Variants in FBXO28 observed in about 807,000 individuals in gnomAD.
FBXO28 encodes F-box protein 28.
Under a neutral mutation model 38.1 loss-of-function variants are expected in FBXO28, and 8 were observed. That is an observed-to-expected ratio of 0.21 (90% CI 0.12 to 0.38). The LOEUF (loss-of-function observed/expected upper bound fraction) is 0.38, where lower values mean the gene tolerates loss of function less well. FBXO28 is among the 10% of genes least tolerant of loss of function. FBXO28 has a pLI of 1.00. For missense variants in FBXO28, 345 were observed against 460.6 expected (o/e 0.75, Z 2.30); for synonymous variants, 168 against 173.8 (o/e 0.97, Z 0.26).
At position 224,140,495 on chromosome 1, in the gene FBXO28, G is replaced by A. The variant is rs550906551; in HGVS notation, c.516+6283G>A. Among the ~76,000 whole-genome samples, 5 of 152,192 alleles carry A rather than the reference G, an allele frequency of 3.3e-5. No homozygotes were observed. In the South Asian group the frequency reaches 1.0e-3, roughly 32 times the overall value. Reference sequence around the variant, plus strand: ...CATTTAAGTTTAATGCTTACAGAATGTTGTTTTTGTTTCTTTTAAAGTTGA... The same window carrying A: ...CATTTAAGTTTAATGCTTACAGAATATTGTTTTTGTTTCTTTTAAAGTTGA... On this transcript the variant is annotated intron_variant, in intron 3 of 4. Coordinates refer to ENST00000366862, the MANE Select transcript of FBXO28 (RefSeq NM_015176.4).
intron 3 of FBXO28, among the ~76,000 whole-genome samples, chr1:224,146,211 G>A (rs1657499844): frequency 6.6e-6 from 1 of 151,800 alleles, no homozygotes; most frequent in Non-Finnish European, 1.5e-5. Context: ...TCCAGCCTGG[G>A]CGATAGAGTG....
At chr1:224,129,213 G>A (rs1251609077) in intron 1 of FBXO28, among the ~76,000 whole-genome samples, 1 of 151,990 alleles carries the variant, frequency 6.6e-6, no homozygotes, top group Non-Finnish European at 1.5e-5. Context: ...GGTGGCACAT[G>A]CCTGTAATCC....
intron 1 of FBXO28, among the ~76,000 whole-genome samples, chr1:224,129,043 A>G (rs1195758862): frequency 2.0e-5 from 3 of 151,960 alleles, no homozygotes; most frequent in African/African-American, 7.2e-5. Flanking sequence ...TCTACTACAC[A>G]TGCTAAGATA....
chr1:224,135,611 CAAAAAAAA>C (rs71168313), intron 3 of FBXO28, among the ~76,000 whole-genome samples: 5,936 of 110,594 alleles, frequency 0.054, 478 homozygotes, highest in African/African-American at 0.21. Context: ...GACTCTGTCT[CAAAAAAAA>C]AAAAAAAAAA....
At chr1:224,117,442 T>A in intron 1 of FBXO28, among the ~76,000 whole-genome samples, 1 of 140,910 alleles carries the variant, frequency 7.1e-6, no homozygotes, top group East Asian at 1.9e-4. Context: ...TTTATTTTAT[T>A]TTATTTTATT....
intron 1 of FBXO28, among the ~76,000 whole-genome samples, chr1:224,126,192 C>T (rs1403362624): frequency 2.1e-5 from 2 of 94,792 alleles, no homozygotes; most frequent in Non-Finnish European, 4.2e-5. Flanking sequence ...TTCTTATTCT[C>T]ATCACCCAGC....
chr1:224,125,037 T>C (rs1558187803), intron 1 of FBXO28, among the ~76,000 whole-genome samples: 2 of 152,212 alleles, frequency 1.3e-5, no homozygotes, highest in Non-Finnish European at 2.9e-5. Flanking sequence ...TCTTGAACAT[T>C]TGAACATACA....
chr1:224,136,854 C>T (rs1324124675), intron 3 of FBXO28, among the ~76,000 whole-genome samples: 1 of 151,436 alleles, frequency 6.6e-6, no homozygotes, highest in African/African-American at 2.4e-5. Context: ...CAGGTTTAGG[C>T]GATTCTCATG....
At chr1:224,139,969 T>A (rs1463306019) in intron 3 of FBXO28, among the ~76,000 whole-genome samples, 1 of 152,112 alleles carries the variant, frequency 6.6e-6, no homozygotes, top group Non-Finnish European at 1.5e-5. Context: ...CATGCACCTG[T>A]AGCCCCAGCT....
At chr1:224,145,605 C>T (rs193187510) in intron 3 of FBXO28, among the ~76,000 whole-genome samples, 14 of 152,148 alleles carry the variant, frequency 9.2e-5, no homozygotes, top group Admixed American at 2.0e-4. Flanking sequence ...AGCACATAAC[C>T]GTATTCAAAC....
intron 4 of FBXO28, among the ~76,000 whole-genome samples, chr1:224,154,994 C>A (rs1370306581): frequency 6.8e-6 from 1 of 147,736 alleles, no homozygotes; most frequent in African/African-American, 2.5e-5. Flanking sequence ...AAAAAAAAAT[C>A]ATTAAGTTAA....
At chr1:224,123,089 A>AG (rs1553288278) in intron 1 of FBXO28, among the ~76,000 whole-genome samples, 1 of 151,718 alleles carries the variant, frequency 6.6e-6, no homozygotes, top group African/African-American at 2.4e-5. Flanking sequence ...TTAAAAAAAA[A>AG]GGATAGGTTC....
intron 1 of FBXO28, among the ~76,000 whole-genome samples, chr1:224,126,648 C>T (rs1266014501): frequency 6.6e-6 from 1 of 152,050 alleles, no homozygotes; most frequent in Non-Finnish European, 1.5e-5. Context: ...AGCCCCATCT[C>T]TATTACGAAA....
At chr1:224,116,457 A>G (rs551528263) in intron 1 of FBXO28, among the ~76,000 whole-genome samples, 2 of 152,324 alleles carry the variant, frequency 1.3e-5, no homozygotes, top group Admixed American at 6.5e-5. Context: ...ACTTTAGTGT[A>G]TGCTGCTATC....
intron 3 of FBXO28, among the ~76,000 whole-genome samples, chr1:224,141,255 G>A (rs907178414): frequency 9.2e-5 from 14 of 151,888 alleles, no homozygotes; most frequent in African/African-American, 1.5e-4. Flanking sequence ...GGCGGATCAC[G>A]AGGTCAGGAG....
intron 2 of FBXO28, chr1:224,130,784 T>G: frequency 2.2e-6 from 1 of 452,644 alleles, no homozygotes; most frequent in South Asian, 3.4e-5. Flanking sequence ...CCAGAGAAAT[T>G]AGGCAAGAAA....
At chr1:224,119,135 C>T (rs150095487) in intron 1 of FBXO28, among the ~76,000 whole-genome samples, 515 of 109,884 alleles carry the variant, frequency 4.7e-3, no homozygotes, top group Middle Eastern at 0.039. Flanking sequence ...TCTTTTTTTT[C>T]TTTTTTTTTT....
chr1:224,128,376 T>A (rs1199869812), intron 1 of FBXO28, among the ~76,000 whole-genome samples: 1 of 151,976 alleles, frequency 6.6e-6, no homozygotes, highest in African/African-American at 2.4e-5. Context: ...ACAAAGGAAT[T>A]CTGTATACTA....
rs576057747 is a variant in FBXO28, at chr1:224,121,735, C to T, written c.267+7339C>T. On this transcript the variant is annotated intron_variant, in intron 1 of 4. Coordinates refer to ENST00000366862, the MANE Select transcript of FBXO28 (RefSeq NM_015176.4). Reference sequence around the variant, plus strand: ...CGATCTTGGCTCACTGCATCCTCCACCTCCCAGGTTCAAGTGATTCTCCTG... The same window carrying T: ...CGATCTTGGCTCACTGCATCCTCCATCTCCCAGGTTCAAGTGATTCTCCTG... 3.1e-4 allele frequency among the ~76,000 whole-genome samples: 47 copies of T among 152,206 alleles called. No homozygotes were observed. In the South Asian group the frequency reaches 9.5e-3, roughly 31 times the overall value.
Sources: gnomAD v4.1 joint callset for allele counts (sites outside exome capture counted in the v4.1 genomes callset) on GRCh38, gnomAD v4.1.1 for gene constraint, MANE v1.5 for transcripts, NCBI Gene and HGNC (gene_info 2026-07-23, HGNC 2026-07-21) for gene names.